The following CACNA2D4 variants were observed in gnomAD, a reference collection of about 807,000 sequenced individuals.
The protein encoded by CACNA2D4 is voltage-dependent calcium channel subunit alpha-2/delta-4.
CACNA2D4 carries 157 observed loss-of-function variants against 163.8 expected under a neutral mutation model. That is an observed-to-expected ratio of 0.96 (90% CI 0.84 to 1.09). CACNA2D4 has a LOEUF of 1.09. Among genes scored for constraint, CACNA2D4 ranks in the 50% least tolerant of loss-of-function variants. The probability of loss-of-function intolerance (pLI) is 0.00; values close to 1 mark genes in which losing one functional copy is unlikely to be tolerated. For synonymous variants in CACNA2D4, 598 were observed against 586.9 expected, an observed-to-expected ratio of 1.02 and a Z score of -0.27; for missense variants, 1,410 against 1,479.9, an observed-to-expected ratio of 0.95 and a Z score of 0.78.
chr12:1,821,201 G>A (rs1160146277), intron 26 of CACNA2D4, among the ~76,000 whole-genome samples: 1 of 152,224 alleles, frequency 6.6e-6, no homozygotes, highest in African/African-American at 2.4e-5. Flanking sequence ...AGAAACTCGG[G>A]GGTCATGGGA....
intron 29 of CACNA2D4, chr12:1,809,236 A>G: frequency 2.2e-6 from 1 of 459,310 alleles, no homozygotes; most frequent in African/African-American, 2.0e-5. Flanking sequence ...CGGTCAGGCC[A>G]GACCACAGCC....
chr12:1,863,486 C>A (rs756862840), intron 18 of CACNA2D4, among the ~76,000 whole-genome samples: 2 of 152,114 alleles, frequency 1.3e-5, no homozygotes, highest in Non-Finnish European at 2.9e-5. Flanking sequence ...GATCGGATTG[C>A]GTTGAATCTA....
chr12:1,859,558 T>A (rs921278013), intron 19 of CACNA2D4, among the ~76,000 whole-genome samples: 11 of 152,214 alleles, frequency 7.2e-5, no homozygotes, highest in African/African-American at 2.7e-4. Flanking sequence ...GATCTTCCAA[T>A]TTGCTCTTCT....
intron 23 of CACNA2D4, among the ~76,000 whole-genome samples, chr12:1,853,358 A>C (rs769384189): frequency 6.6e-6 from 1 of 152,222 alleles, no homozygotes; most frequent in Non-Finnish European, 1.5e-5. Context: ...CTAAAAAACT[A>C]ATTTTTAATT....
Position 1,874,460 on chromosome 12 carries a change from A to G in CACNA2D4, c.1878+144T>C. 1 of 623,244 alleles carries G rather than the reference A, an allele frequency of 1.6e-6. No homozygotes were observed. The highest frequency in any genetic ancestry group is 2.9e-6 in the Non-Finnish European group (1 of 342,206). 38.6% of individuals were successfully genotyped at this position (623,244 alleles called of 1,614,324 possible). ...TCCAGGGCCAATGCACCCTGCGTATACTCCCTAATGGACCCTCTAGGTGCA... is the reference window on the plus strand; with the variant it reads ...TCCAGGGCCAATGCACCCTGCGTATGCTCCCTAATGGACCCTCTAGGTGCA... On this transcript the variant is annotated intron_variant, in intron 18 of 37. Transcript: ENST00000382722. This position sits in a 1 kb window ranked among gnomAD's most constrained non-coding sequence, Gnocchi z 4.4.
intron 4 of CACNA2D4, 44 bp downstream of exon 4, chr12:1,909,862 G>A: frequency 6.3e-7 from 1 of 1,576,890 alleles, no homozygotes; most frequent in Non-Finnish European, 8.7e-7. Context: ...CTGGTACTCA[G>A]GCGATCCTGG....
At position 1,792,380 on chromosome 12, in the gene CACNA2D4, A is replaced by C. The variant is rs12811035; in HGVS notation, c.*1275T>G. On this transcript the variant is annotated 3_prime_UTR_variant, in exon 38 of 38. Coordinates refer to ENST00000382722, the MANE Select transcript of CACNA2D4 (RefSeq NM_172364.5). ...CCTACTCTAGAGGCAAGTTAGGGCT[A>C]TTTGCTGGTAGGAAACTTGAACAGC... The C allele has an allele frequency of 0.14, 20,997 of 152,262 alleles. 1,843 individuals carry two copies. The highest frequency in any genetic ancestry group is 0.23 in the Admixed American group (3,449 of 15,300). 9.4% of individuals were successfully genotyped at this position (152,262 alleles called of 1,614,324 possible).
chr12:1,901,130 A>G (rs1013179187), intron 6 of CACNA2D4, among the ~76,000 whole-genome samples: 1 of 152,208 alleles, frequency 6.6e-6, no homozygotes, highest in Non-Finnish European at 1.5e-5. Flanking sequence ...TAAGAAGGAA[A>G]TTGAAAAATT....
Position 1,806,378 on chromosome 12 carries a change from C to T in CACNA2D4, c.2721+3900G>A, listed in dbSNP as rs1565674889. On this transcript the variant is annotated intron_variant, in intron 29 of 37. Coordinates refer to ENST00000382722, the MANE Select transcript of CACNA2D4 (RefSeq NM_172364.5). The surrounding 1 kb of genome is among the most constrained non-coding windows in gnomAD (Gnocchi z 4.1). ...GAAGAGAGGCCAAATGTCTAATCAG[C>T]AGGCCTGGAACACCGCCGGTGCCAA... 1.3e-5 allele frequency among the ~76,000 whole-genome samples: 2 copies of T among 152,204 alleles called. No homozygotes were observed. Among genetic ancestry groups the T allele is most frequent in the Non-Finnish European group, 2.9e-5 (2 of 68,040 alleles).
intron 18 of CACNA2D4, among the ~76,000 whole-genome samples, chr12:1,860,984 C>T (rs12320605): frequency 0.026 from 3,981 of 152,294 alleles, 188 homozygotes; most frequent in African/African-American, 0.09. Flanking sequence ...TTGTCCACGG[C>T]CTCTCTTGCA....
Position 1,878,222 on chromosome 12 carries a change from G to C in CACNA2D4, c.1719+93C>G, listed in dbSNP as rs1454604032. ...ATTACCCACTGGGTTCCTAAATGGA[G>C]CCCAATGTGTGTTTGTTGTTTTAAT... On this transcript the variant is annotated intron_variant, in intron 16 of 37. Transcript: ENST00000382722. This position sits in a 1 kb window ranked among gnomAD's most constrained non-coding sequence, Gnocchi z 4.6. 7 of 1,374,266 alleles carry C rather than the reference G, an allele frequency of 5.1e-6. No individual in the cohort carries two copies. Among genetic ancestry groups the C allele is most frequent in the Non-Finnish European group, 7.1e-6 (7 of 986,094 alleles). 85.1% of individuals were successfully genotyped at this position (1,374,266 alleles called of 1,614,324 possible).
chr12:1,874,537 A>T lies in CACNA2D4; in HGVS notation c.1878+67T>A. 9.0e-7 allele frequency: 1 copy of T among 1,106,252 alleles called. No homozygotes were observed. The highest frequency in any genetic ancestry group is 1.4e-6 in the Non-Finnish European group (1 of 722,268). 68.5% of individuals were successfully genotyped at this position (1,106,252 alleles called of 1,614,324 possible). On this transcript the variant is annotated intron_variant, in intron 18 of 37. Transcript: ENST00000382722. This position sits in a 1 kb window ranked among gnomAD's most constrained non-coding sequence, Gnocchi z 4.4. ...TTAGGCTAAGTCCAGGTCCCTCGTC[A>T]CTACTCCAAACCCAATTAATGAAGA... is the stretch of plus-strand genomic sequence containing the variant.
Position 1,797,376 on chromosome 12 carries a change from G to C in CACNA2D4, c.3113+42C>G, listed in dbSNP as rs77095670. The C allele has an allele frequency of 1.6e-3, 2,193 of 1,391,534 alleles. 28 individuals are homozygous for C. In the African/African-American group the frequency reaches 0.026, roughly 16 times the overall value. 86.2% of individuals were successfully genotyped at this position (1,391,534 alleles called of 1,614,324 possible). ...CGCACTTCCGCCTTGCCGAGGGCGG[G>C]AGGAGTGTGGCGGGACGGGCGGCGC... On this transcript the variant is annotated intron_variant, in intron 35 of 37. Transcript: ENST00000382722.
At chr12:1,882,749 T>C (rs2154449615) in intron 13 of CACNA2D4, 118 bp downstream of exon 13, 1 of 1,028,282 alleles carries the variant, frequency 9.7e-7, no homozygotes, top group South Asian at 1.6e-5. Flanking sequence ...CCCTTCTTAA[T>C]GTTCCCTAAG....
chr12:1,793,480 G>T lies in CACNA2D4; in HGVS notation c.*175C>A. 1 of 647,592 alleles carries T rather than the reference G, an allele frequency of 1.5e-6. No homozygotes were observed. Among genetic ancestry groups the T allele is most frequent in the Non-Finnish European group, 2.8e-6 (1 of 353,534 alleles). 40.1% of individuals were successfully genotyped at this position (647,592 alleles called of 1,614,324 possible). A position where few individuals can be genotyped will look rare whatever the true frequency, so the allele number is the denominator to read the frequency against. On this transcript the variant is annotated 3_prime_UTR_variant, in exon 38 of 38. Coordinates refer to ENST00000382722, the MANE Select transcript of CACNA2D4 (RefSeq NM_172364.5). ...ATCTTGAAAGTGGTGCCAGGTGATT[G>T]GTTTCCTGTTCCATCCAGCATTCTC... is the stretch of plus-strand genomic sequence containing the variant.
intron 26 of CACNA2D4, chr12:1,823,256 G>A (rs2154446515): frequency 6.6e-6 from 1 of 152,490 alleles, no homozygotes; most frequent in South Asian, 2.1e-4. Context: ...CTGAGAGGAA[G>A]GGTGCGGACA....
chr12:1,891,281 A>C (rs530544244), intron 6 of CACNA2D4, among the ~76,000 whole-genome samples: 55 of 152,270 alleles, frequency 3.6e-4, no homozygotes, highest in African/African-American at 1.3e-3. Flanking sequence ...TCCACTAACA[A>C]TGCCACCCTA....
intron 31 of CACNA2D4, chr12:1,800,837 CT>C: frequency 1.7e-6 from 1 of 603,664 alleles, no homozygotes; most frequent in South Asian, 2.0e-5. Flanking sequence ...AGAGCAGTCC[CT>C]CTGAAGCCCC....
intron 6 of CACNA2D4, among the ~76,000 whole-genome samples, chr12:1,906,673 T>C (rs865801834): frequency 7.9e-5 from 12 of 152,214 alleles, no homozygotes; most frequent in African/African-American, 2.2e-4. Context: ...AACCTATTCA[T>C]TGAAGCTCCA....
Sources: allele counts gnomAD v4.1 joint callset (sites outside exome capture counted in the v4.1 genomes callset), GRCh38; gene constraint gnomAD v4.1.1; non-coding constraint Gnocchi (gnomAD v3.1); transcripts MANE v1.5; gene names NCBI Gene and HGNC (gene_info 2026-07-23, HGNC 2026-07-21).